PTPRN2: variants seen among roughly 807,000 people sequenced by gnomAD.
PTPRN2 encodes protein tyrosine phosphatase receptor type N2.
A neutral mutation model predicts 118.8 loss-of-function variants in PTPRN2; 74 were observed. The observed-to-expected ratio is 0.62, with a 90% CI of 0.52 to 0.76. PTPRN2 has a LOEUF of 0.76. PTPRN2 is among the 30% of genes least tolerant of loss of function. PTPRN2 has a pLI of 0.00. For synonymous variants in PTPRN2, 641 were observed against 608.0 expected (o/e 1.05, Z -0.80); for missense variants, 1,481 against 1,394.4 (o/e 1.06, Z -0.99).
intron 2 of PTPRN2, among the ~76,000 whole-genome samples, chr7:158,331,350 C>G (rs1441699400): frequency 6.9e-6 from 1 of 144,766 alleles, no homozygotes; most frequent in Non-Finnish European, 1.5e-5. Context: ...CACCCATACT[C>G]TCACCATAAG....
At chr7:157,788,001 C>T (rs546828397) in intron 12 of PTPRN2, among the ~76,000 whole-genome samples, 1 of 152,340 alleles carries the variant, frequency 6.6e-6, no homozygotes, top group East Asian at 1.9e-4. Flanking sequence ...GAGGCCGACA[C>T]AAGCCAGACC....
intron 12 of PTPRN2, among the ~76,000 whole-genome samples, chr7:157,835,487 T>A (rs1807870356): frequency 6.6e-6 from 1 of 151,948 alleles, no homozygotes; most frequent in Admixed American, 6.6e-5. Context: ...GCACAAAAGA[T>A]GCTAAAAGAG....
At chr7:158,511,966 CTG>C (rs1377657692) in intron 1 of PTPRN2, among the ~76,000 whole-genome samples, 1 of 152,088 alleles carries the variant, frequency 6.6e-6, no homozygotes, top group Non-Finnish European at 1.5e-5. Context: ...GTTACTGTAA[CTG>C]TGGATAAATG....
In PTPRN2 at chr7:157,619,421, C is replaced by T. The variant is rs1052696630; in HGVS notation, c.2344+1941G>A. ...GTCCTACCACACCGGCTTCACTCCCCGCCCTCTCCTCCCCCAGGCTGCTCC... is the reference window on the plus strand; with the variant it reads ...GTCCTACCACACCGGCTTCACTCCCTGCCCTCTCCTCCCCCAGGCTGCTCC... On this transcript the variant is annotated intron_variant, in intron 15 of 22. Coordinates refer to ENST00000389418, the MANE Select transcript of PTPRN2 (RefSeq NM_002847.5). This position sits in a 1 kb window ranked among gnomAD's most constrained non-coding sequence, Gnocchi z 5.3. Among the ~76,000 whole-genome samples the T allele has an allele frequency of 4.6e-5, 7 of 152,168 alleles. No individual in the cohort carries two copies. The highest frequency in any genetic ancestry group is 2.0e-4 in the Admixed American group (3 of 15,288).
intron 11 of PTPRN2, among the ~76,000 whole-genome samples, chr7:157,989,931 CCCT>C (rs1233962633): frequency 1.3e-5 from 2 of 152,088 alleles, no homozygotes; most frequent in Admixed American, 6.5e-5. Flanking sequence ...TGCCTTCTCC[CCCT>C]CCTCCTCATT....
rs1554464897 is a variant in PTPRN2 at position 157,836,846 on chromosome 7, T to TCCATCCATCCATC, written c.1788+61826_1788+61827insGATGGATGGATGG. Among the ~76,000 whole-genome samples the TCCATCCATCCATC allele has an allele frequency of 1.7e-3, 258 of 151,962 alleles. 2 individuals carry two copies. Among genetic ancestry groups the TCCATCCATCCATC allele is most frequent in the African/African-American group, 4.7e-3 (193 of 41,438 alleles). On this transcript the variant is annotated intron_variant, in intron 12 of 22. Coordinates refer to ENST00000389418, the MANE Select transcript of PTPRN2 (RefSeq NM_002847.5). ...ACCAAATCTACAACTGTGTGTCCAT[T>TCCATCCATCCATC]CATCCATCCATCCATCCATCCATCC...
At chr7:158,125,207 C>T (rs1817538033) in intron 9 of PTPRN2, among the ~76,000 whole-genome samples, 1 of 147,954 alleles carries the variant, frequency 6.8e-6, no homozygotes, top group Admixed American at 6.8e-5. Context: ...CACCTCCCTG[C>T]CTGAAGTCCC....
chr7:157,706,686 T>G (rs1377218415), intron 12 of PTPRN2, among the ~76,000 whole-genome samples: 1 of 147,700 alleles, frequency 6.8e-6, no homozygotes, highest in Non-Finnish European at 1.5e-5. Flanking sequence ...AGGTGCCTTC[T>G]GGATAAAGGC....
chr7:158,471,048 T>G (rs1819814489), intron 2 of PTPRN2, among the ~76,000 whole-genome samples: 1 of 152,144 alleles, frequency 6.6e-6, no homozygotes, highest in African/African-American at 2.4e-5. Context: ...ACCATATTTT[T>G]AGTGGAGACG....
intron 1 of PTPRN2, among the ~76,000 whole-genome samples, chr7:158,556,903 TGCAGGTCGCTCCCAC>T (rs1302454078): frequency 8.5e-6 from 1 of 117,738 alleles, no homozygotes; most frequent in African/African-American, 3.3e-5. Context: ...GGGGCTCCCG[TGCAGGTCGCTCCCAC>T]GCAGGTCAGG....
chr7:158,380,083 T>C (rs867871467), intron 2 of PTPRN2, among the ~76,000 whole-genome samples: 1 of 152,308 alleles, frequency 6.6e-6, no homozygotes, highest in South Asian at 2.1e-4. Flanking sequence ...TTATGGGAGC[T>C]GCAATTCAAG....
intron 12 of PTPRN2, among the ~76,000 whole-genome samples, chr7:157,710,686 A>T (rs1466662985): frequency 6.6e-6 from 1 of 152,104 alleles, no homozygotes; most frequent in East Asian, 1.9e-4. Flanking sequence ...TGCCATCTGT[A>T]CGCCCACCAT....
At chr7:158,444,386 G>A (rs1237772647) in intron 2 of PTPRN2, among the ~76,000 whole-genome samples, 3 of 152,218 alleles carry the variant, frequency 2.0e-5, no homozygotes, top group African/African-American at 4.8e-5. Flanking sequence ...CCCCACCCAC[G>A]GCCAGTGTTT....
intron 12 of PTPRN2, among the ~76,000 whole-genome samples, chr7:157,728,906 C>T (rs546736660): frequency 9.2e-5 from 14 of 152,142 alleles, no homozygotes; most frequent in Non-Finnish European, 1.8e-4. Flanking sequence ...AGGAGTGGCA[C>T]CACCTTAATC....
intron 14 of PTPRN2, among the ~76,000 whole-genome samples, chr7:157,624,302 G>A (rs557310934): frequency 1.3e-5 from 2 of 152,114 alleles, no homozygotes; most frequent in Admixed American, 6.5e-5. Context: ...GCGCCTCTAA[G>A]CCCAACTACT....
intron 3 of PTPRN2, among the ~76,000 whole-genome samples, chr7:158,296,101 C>T (rs1800482002): frequency 6.6e-6 from 1 of 152,150 alleles, no homozygotes; most frequent in Admixed American, 6.5e-5. Context: ...CGAGGACAGG[C>T]ATTTTTGTTT....
chr7:157,608,636 G>A (rs1038965687), intron 15 of PTPRN2, among the ~76,000 whole-genome samples: 1 of 152,170 alleles, frequency 6.6e-6, no homozygotes, highest in African/African-American at 2.4e-5. Flanking sequence ...TTTCCTTGAC[G>A]TGCGAGGCCT....
At chr7:158,532,923 C>G in intron 1 of PTPRN2, 1 of 434,574 alleles carries the variant, frequency 2.3e-6, no homozygotes. Flanking sequence ...CTGCTCCCTC[C>G]TGACTGGCCT....
Position 158,245,571 on chromosome 7 carries a change from G to C in PTPRN2, c.278-40298C>G, listed in dbSNP as rs918291160. On this transcript the variant is annotated intron_variant, in intron 3 of 22. Transcript: ENST00000389418. ...ACGTAGAGTCAGGTCTCCTTGCCGAGAGTGGGACCTGCACCCTGATCCATT... is the reference window on the plus strand; with the variant it reads ...ACGTAGAGTCAGGTCTCCTTGCCGACAGTGGGACCTGCACCCTGATCCATT... Among the ~76,000 whole-genome samples, 4 of 152,130 alleles carry C rather than the reference G, an allele frequency of 2.6e-5. No homozygotes were observed. In the East Asian group the frequency reaches 7.7e-4, roughly 29 times the overall value.
Sources: allele counts gnomAD v4.1 joint callset (sites outside exome capture counted in the v4.1 genomes callset), GRCh38; gene constraint gnomAD v4.1.1; non-coding constraint Gnocchi (gnomAD v3.1); transcripts MANE v1.5; gene names NCBI Gene and HGNC (gene_info 2026-07-23, HGNC 2026-07-21).